LUZP2: variants seen among roughly 807,000 people sequenced by gnomAD.
LUZP2 encodes the protein leucine zipper protein 2.
A neutral mutation model predicts 51.6 loss-of-function variants in LUZP2; 52 were observed. The observed-to-expected ratio is 1.01, with a 90% CI of 0.81 to 1.27. The LOEUF (loss-of-function observed/expected upper bound fraction) is 1.27. LUZP2 is among the 50% of genes most tolerant of loss of function. The pLI is 0.00. For synonymous variants in LUZP2, 154 were observed against 137.3 expected (o/e 1.12, Z -0.85); for missense variants, 436 against 395.4 (o/e 1.10, Z -0.87).
intron 4 of LUZP2, among the ~76,000 whole-genome samples, chr11:24,758,257 G>A (rs916567614): frequency 6.6e-6 from 1 of 151,988 alleles, no homozygotes; most frequent in Non-Finnish European, 1.5e-5. Context: ...AATTGAAAGA[G>A]TGATATGTTC....
At chr11:24,641,358 C>A (rs1451595283) in intron 1 of LUZP2, among the ~76,000 whole-genome samples, 1 of 151,932 alleles carries the variant, frequency 6.6e-6, no homozygotes, top group Non-Finnish European at 1.5e-5. Flanking sequence ...TAATTTGCAA[C>A]TTTACCATCT....
chr11:24,790,316 C>T (rs1288956835), intron 5 of LUZP2, among the ~76,000 whole-genome samples: 1 of 151,924 alleles, frequency 6.6e-6, no homozygotes, highest in Non-Finnish European at 1.5e-5. Context: ...TCAGTAACTC[C>T]CTACTGCCAA....
At chr11:24,653,782 G>A (rs375513047) in intron 1 of LUZP2, among the ~76,000 whole-genome samples, 13 of 152,278 alleles carry the variant, frequency 8.5e-5, no homozygotes, top group Non-Finnish European at 1.8e-4. Context: ...GAAGGCAAGC[G>A]AAGAGTTTCA....
At chr11:24,671,574 A>G (rs1441330205) in intron 1 of LUZP2, among the ~76,000 whole-genome samples, 1 of 151,828 alleles carries the variant, frequency 6.6e-6, no homozygotes, top group Non-Finnish European at 1.5e-5. Context: ...ACACACACAC[A>G]CACACACACA....
At chr11:25,019,969 TTG>T (rs1279223957) in intron 9 of LUZP2, among the ~76,000 whole-genome samples, 1 of 152,150 alleles carries the variant, frequency 6.6e-6, no homozygotes, top group Non-Finnish European at 1.5e-5. Flanking sequence ...ACATCCTGGA[TTG>T]TGTTTTGGTA....
intron 1 of LUZP2, among the ~76,000 whole-genome samples, chr11:24,680,713 C>T (rs1159313890): frequency 6.6e-6 from 1 of 152,174 alleles, no homozygotes; most frequent in Non-Finnish European, 1.5e-5. Flanking sequence ...AAAATTCATA[C>T]ACCTGATCCG....
intron 7 of LUZP2, among the ~76,000 whole-genome samples, chr11:24,960,777 G>A (rs1855370281): frequency 6.6e-6 from 1 of 151,854 alleles, no homozygotes; most frequent in Non-Finnish European, 1.5e-5. Context: ...GTTATTTCTT[G>A]CCTTCTGCTA....
At chr11:24,757,356 G>A (rs1253400638) in intron 4 of LUZP2, among the ~76,000 whole-genome samples, 1 of 151,664 alleles carries the variant, frequency 6.6e-6, no homozygotes, top group Non-Finnish European at 1.5e-5. Flanking sequence ...ATTTTTATAA[G>A]AGGTCAAATA....
chr11:24,855,168 A>G (rs1032941745), intron 5 of LUZP2, among the ~76,000 whole-genome samples: 3 of 152,320 alleles, frequency 2.0e-5, no homozygotes, highest in Admixed American at 6.5e-5. Flanking sequence ...AAGGATCTAA[A>G]TTAGAAAAGA....
At position 24,510,764 on chromosome 11, in the gene LUZP2, A is replaced by T. The variant is rs538396428; in HGVS notation, c.62+13459A>T. Among the ~76,000 whole-genome samples the T allele has an allele frequency of 4.6e-5, 7 of 152,366 alleles. No individual in the cohort carries two copies. The South Asian group carries it at 1.2e-3, about 27-fold the overall frequency. On this transcript the variant is annotated intron_variant, in intron 1 of 11. Coordinates refer to ENST00000336930, the MANE Select transcript of LUZP2 (RefSeq NM_001009909.4). ...TACTTCAAGCTAAAAATTCATTTTT[A>T]AAAATTCTAATTTTAAAAGAAATTT...
At chr11:24,964,159 T>C (rs1243613865) in intron 7 of LUZP2, among the ~76,000 whole-genome samples, 1 of 152,186 alleles carries the variant, frequency 6.6e-6, no homozygotes, top group Non-Finnish European at 1.5e-5. Flanking sequence ...ACCACATTCC[T>C]GCCAATGTTT....
At chr11:24,900,682 CT>C (rs1436933238) in intron 5 of LUZP2, among the ~76,000 whole-genome samples, 2 of 152,166 alleles carry the variant, frequency 1.3e-5, no homozygotes, top group African/African-American at 2.4e-5. Flanking sequence ...GAGAAGTCGA[CT>C]GTTAAAACCA....
chr11:24,881,572 A>C (rs2134295264), intron 5 of LUZP2, among the ~76,000 whole-genome samples: 1 of 152,204 alleles, frequency 6.6e-6, no homozygotes. Context: ...GATTACTCAA[A>C]TATTCAGAGA....
At chr11:24,646,481 A>G (rs1227790198) in intron 1 of LUZP2, 1 of 475,518 alleles carries the variant, frequency 2.1e-6, no homozygotes, top group Non-Finnish European at 2.7e-6. Context: ...AGAGTTTCCT[A>G]TCTTAATGCT....
chr11:24,752,987 AG>A (rs1673210941), intron 4 of LUZP2, among the ~76,000 whole-genome samples: 2 of 152,142 alleles, frequency 1.3e-5, no homozygotes, highest in African/African-American at 2.4e-5. Context: ...AAGAATATAA[AG>A]AAAAGAATTG....
At chr11:25,048,661 T>G (rs374057247) in intron 9 of LUZP2, among the ~76,000 whole-genome samples, 1 of 151,746 alleles carries the variant, frequency 6.6e-6, no homozygotes, top group South Asian at 2.1e-4. Flanking sequence ...CCTAGAGAAA[T>G]TAGAGGGGAG....
chr11:24,819,818 T>G (rs1850302715), intron 5 of LUZP2, among the ~76,000 whole-genome samples: 1 of 152,134 alleles, frequency 6.6e-6, no homozygotes, highest in South Asian at 2.1e-4. Flanking sequence ...TTTACAGTTG[T>G]GTACATTTAA....
At chr11:24,563,572 A>G (rs1379299201) in intron 1 of LUZP2, among the ~76,000 whole-genome samples, 1 of 152,128 alleles carries the variant, frequency 6.6e-6, no homozygotes, top group Non-Finnish European at 1.5e-5. Flanking sequence ...TAGTTACATC[A>G]TGCTTTCTTT....
intron 8 of LUZP2, among the ~76,000 whole-genome samples, chr11:24,978,764 G>A (rs1565184652): frequency 6.6e-6 from 1 of 151,746 alleles, no homozygotes; most frequent in Non-Finnish European, 1.5e-5. Flanking sequence ...AAGTACCTGT[G>A]GGTCATAGGG....
Sources: allele counts gnomAD v4.1 joint callset (sites outside exome capture counted in the v4.1 genomes callset), GRCh38; gene constraint gnomAD v4.1.1; transcripts MANE v1.5; gene names NCBI Gene and HGNC (gene_info 2026-07-23, HGNC 2026-07-21).